The following FOXN1 variants were observed in gnomAD, a reference collection of about 807,000 sequenced individuals.
FOXN1 encodes forkhead box protein N1.
Under a neutral mutation model 49.0 loss-of-function variants are expected in FOXN1, and 15 were observed. The observed-to-expected ratio is 0.31, with a 90% CI of 0.20 to 0.47. The LOEUF (loss-of-function observed/expected upper bound fraction) is 0.47. FOXN1 is among the 20% of genes least tolerant of loss of function. The probability of loss-of-function intolerance (pLI) is 1.00; values close to 1 mark genes in which losing one functional copy is unlikely to be tolerated. For synonymous variants in FOXN1, 356 were observed against 369.0 expected, an observed-to-expected ratio of 0.96 and a Z score of 0.40; for missense variants, 800 against 842.8, an observed-to-expected ratio of 0.95 and a Z score of 0.63.
chr17:28,507,942 G>A (rs2151471624), intron 1 of FOXN1, among the ~76,000 whole-genome samples: 1 of 152,304 alleles, frequency 6.6e-6, no homozygotes, highest in East Asian at 1.9e-4. Flanking sequence ...ACGGGGTGAG[G>A]GCTGCCCCAG....
rs1021480073 is a variant in FOXN1 at position 28,537,017 on chromosome 17, C to T, written c.1628-100C>T. The stretch of plus-strand genomic sequence containing the variant: ...TGTTCCCAGCACATGTCACCCTGAC[C>T]CCTGCTCTCTGCAGCATGTGAAGAT... On this transcript the variant is annotated intron_variant, in intron 8 of 8. Transcript: ENST00000579795. 1.2e-5 allele frequency: 11 copies of T among 934,178 alleles called. No homozygotes were observed. In the African/African-American group the frequency reaches 1.3e-4, roughly 11 times the overall value. 57.9% of individuals were successfully genotyped at this position (934,178 alleles called of 1,614,324 possible).
chr17:28,520,704 T>C (rs1192387028), intron 1 of FOXN1, among the ~76,000 whole-genome samples: 1 of 151,132 alleles, frequency 6.6e-6, no homozygotes. Flanking sequence ...GAGATGATGT[T>C]CTGGAGAATA....
intron 1 of FOXN1, among the ~76,000 whole-genome samples, chr17:28,507,246 G>T (rs2069282301): frequency 6.6e-6 from 1 of 152,140 alleles, no homozygotes; most frequent in Non-Finnish European, 1.5e-5. Context: ...CAGCTCCCCC[G>T]ACTCCTCCCC....
Position 28,534,429 on chromosome 17 carries a change from G to C in FOXN1, c.1026G>C (p.Lys342Asn), listed in dbSNP as rs1428303181. The C allele has an allele frequency of 6.2e-7, 1 of 1,614,092 alleles. No individual in the cohort carries two copies. Among genetic ancestry groups the C allele is most frequent in the East Asian group, 2.2e-5 (1 of 44,888 alleles). The change falls in exon 7 of 9, where the codon AAG becomes AAC. Residue 342 changes from lysine (K) to asparagine (N), a missense_variant. Around this residue, in one of 3 missense-constraint regions of FOXN1, gnomAD observed 73 missense variants for 118.9 expected, o/e 0.61. Coordinates refer to ENST00000579795, the MANE Select transcript of FOXN1 (RefSeq NM_001369369.1). This position sits in a 1 kb window ranked among gnomAD's most constrained non-coding sequence, Gnocchi z 4.1. Reference protein sequence around the residue: ...VENKSGSSSRKGCLWALNPAK... With the variant: ...VENKSGSSSRNGCLWALNPAK... Reference sequence around the variant, plus strand: ...ACAAATCAGGAAGTTCCTCCCGCAAGGGCTGCCTGTGGGCCCTCAATCCGG... The same window carrying C: ...ACAAATCAGGAAGTTCCTCCCGCAACGGCTGCCTGTGGGCCCTCAATCCGG...
Position 28,534,302 on chromosome 17 carries a change from T to C in FOXN1, c.928-29T>C, listed in dbSNP as rs1476132659. The C allele has an allele frequency of 1.2e-6, 2 of 1,613,912 alleles. No homozygotes were observed. Among genetic ancestry groups the C allele is most frequent in the Admixed American group, 1.7e-5 (1 of 60,002 alleles). On this transcript the variant is annotated intron_variant, in intron 6 of 8. Transcript: ENST00000579795. This position sits in a 1 kb window ranked among gnomAD's most constrained non-coding sequence, Gnocchi z 4.1. ...CCGCTCTGGCTTCCTGAGCCTGGCC[T>C]GAATGCTTGTCTTGCTCTGTTCCGG...
rs1197286835 is a variant in FOXN1, at chr17:28,534,080, C to G, written c.928-251C>G. Reference sequence around the variant, plus strand: ...TCACCTCGGCAGTCCTCTGAGGGGTCAGGAAGGGATGCGGGTGGGATGAAG... The same window carrying G: ...TCACCTCGGCAGTCCTCTGAGGGGTGAGGAAGGGATGCGGGTGGGATGAAG... On this transcript the variant is annotated intron_variant, in intron 6 of 8. Transcript: ENST00000579795. The surrounding 1 kb of genome is among the most constrained non-coding windows in gnomAD (Gnocchi z 4.1). Among the ~76,000 whole-genome samples, 1 of 152,160 alleles carries G rather than the reference C, an allele frequency of 6.6e-6. No homozygotes were observed. The highest frequency in any genetic ancestry group is 2.4e-5 in the African/African-American group (1 of 41,438).
chr17:28,511,097 G>A (rs538571741), intron 1 of FOXN1, among the ~76,000 whole-genome samples: 9 of 152,244 alleles, frequency 5.9e-5, no homozygotes, highest in South Asian at 4.1e-4. Context: ...GTGGGACCTC[G>A]GTTTCCCCAT....
intron 1 of FOXN1, among the ~76,000 whole-genome samples, chr17:28,520,495 C>T (rs945113535): frequency 2.6e-5 from 4 of 152,192 alleles, no homozygotes; most frequent in Non-Finnish European, 5.9e-5. Context: ...CCCAGAGGAC[C>T]AGTCAGGAAC....
chr17:28,530,164 C>A (rs2069876523), intron 5 of FOXN1, among the ~76,000 whole-genome samples: 1 of 151,732 alleles, frequency 6.6e-6, no homozygotes. Flanking sequence ...GTACATGTAT[C>A]CCAGAACTTA....
At chr17:28,515,729 C>T (rs899624976) in intron 1 of FOXN1, among the ~76,000 whole-genome samples, 1 of 151,450 alleles carries the variant, frequency 6.6e-6, no homozygotes, top group African/African-American at 2.4e-5. Context: ...AGGTATACAC[C>T]CCTCCACAAG....
chr17:28,527,534 A>T (rs2069801744), intron 4 of FOXN1, among the ~76,000 whole-genome samples, 173 bp downstream of exon 4: 1 of 152,170 alleles, frequency 6.6e-6, no homozygotes, highest in South Asian at 2.1e-4. Flanking sequence ...AGTTAATGGG[A>T]AGAGAAGCAA....
chr17:28,513,751 G>A (rs1005659075), intron 1 of FOXN1, among the ~76,000 whole-genome samples: 5 of 152,246 alleles, frequency 3.3e-5, no homozygotes, highest in African/African-American at 7.2e-5. Context: ...TCCCCGAAGC[G>A]GTGATGGTGG....
chr17:28,527,497 G>A, intron 4 of FOXN1, 136 bp downstream of exon 4: 3 of 689,426 alleles, frequency 4.4e-6, no homozygotes, highest in Admixed American at 2.0e-5. Context: ...CTGAACCTTA[G>A]GCTTGGCCAC....
At chr17:28,525,448 C>T (rs1413726742) in intron 3 of FOXN1, among the ~76,000 whole-genome samples, 1 of 152,112 alleles carries the variant, frequency 6.6e-6, no homozygotes, top group Non-Finnish European at 1.5e-5. Flanking sequence ...CAGAGTGGGG[C>T]CTGGGTGTAT....
At position 28,534,971 on chromosome 17, in the gene FOXN1, C is replaced by A. The variant is rs761946932; in HGVS notation, c.1400C>A (p.Pro467His). ...HLSPGLAPPG[P>H]PQPLFPQPDG... ...TCACCAGGCCTGGCCCCTCCTGGACCCCCGCAGCCATTGTTCCCACAGCCG... is the reference window on the plus strand; with the variant it reads ...TCACCAGGCCTGGCCCCTCCTGGACACCCGCAGCCATTGTTCCCACAGCCG... The change falls in exon 8 of 9, where the codon CCC becomes CAC. Residue 467 changes from proline (P) to histidine (H), a missense_variant. By Grantham distance (77) the Pro-to-His change is moderately conservative. Around this residue, in one of 3 missense-constraint regions of FOXN1, gnomAD observed 344 missense variants for 366.1 expected, o/e 0.94. Coordinates refer to ENST00000579795, the MANE Select transcript of FOXN1 (RefSeq NM_001369369.1). The surrounding 1 kb of genome is among the most constrained non-coding windows in gnomAD (Gnocchi z 4.1). 8 of 1,613,966 alleles carry A rather than the reference C, an allele frequency of 5.0e-6. No homozygotes were observed. The highest frequency in any genetic ancestry group is 6.8e-6 in the Non-Finnish European group (8 of 1,179,988).
chr17:28,521,145 G>T (rs893174110), intron 1 of FOXN1, among the ~76,000 whole-genome samples: 1 of 152,068 alleles, frequency 6.6e-6, no homozygotes. Context: ...TTTCTCAGAT[G>T]CGGAAAGTGA....
In FOXN1 at chr17:28,523,979, C is replaced by T. The variant is rs2069702827; in HGVS notation, c.10C>T (p.Leu4=). 6.2e-7 allele frequency: 1 copy of T among 1,612,676 alleles called. No individual in the cohort carries two copies. The highest frequency in any genetic ancestry group is 8.5e-7 in the Non-Finnish European group (1 of 1,179,910). The change falls in exon 2 of 9, where the codon CTA becomes TTA. Residue 4 remains leucine (L), a synonymous_variant. Transcript: ENST00000579795. MVS[L]PPPQSDVTLP... is the part of the protein sequence containing the mutation. ...AGGCCAGGACTGGGTGATGGTGTCG[C>T]TACCCCCGCCGCAGTCTGACGTCAC...
At chr17:28,508,539 G>T (rs2069316397) in intron 1 of FOXN1, among the ~76,000 whole-genome samples, 1 of 152,130 alleles carries the variant, frequency 6.6e-6, no homozygotes, top group Admixed American at 6.5e-5. Context: ...AGTCCTTCCT[G>T]ATGTCTAACC....
chr17:28,530,732 G>A lies in FOXN1; in HGVS notation c.831-17G>A, dbSNP rs1376013357. On this transcript the variant is annotated splice_polypyrimidine_tract_variant and intron_variant, in intron 5 of 8. Coordinates refer to ENST00000579795, the MANE Select transcript of FOXN1 (RefSeq NM_001369369.1). The stretch of plus-strand genomic sequence containing the variant: ...CAGTCAGAGGTTCGGACTCTCAGGG[G>A]CTTTCTCTTTCTTCAGCATCCTCAT... 3 of 1,501,662 alleles carry A rather than the reference G, an allele frequency of 2.0e-6. No homozygotes were observed. In the South Asian group the frequency reaches 3.4e-5, roughly 17 times the overall value. The allele number at this position is 1,501,662 out of a possible 1,614,324, so 93.0% of individuals were successfully genotyped here.
Sources: gnomAD v4.1 joint callset for allele counts (sites outside exome capture counted in the v4.1 genomes callset) on GRCh38, gnomAD v4.1.1 for gene constraint, gnomAD v4.1.1 regional missense constraint, Gnocchi (gnomAD v3.1) non-coding constraint, MANE v1.5 for transcripts, NCBI Gene and HGNC (gene_info 2026-07-23, HGNC 2026-07-21) for gene names.